RPF1: variants seen among roughly 807,000 people sequenced by gnomAD.
RPF1 encodes ribosome production factor 1 homolog.
In RPF1, 34 loss-of-function variants were observed where a neutral mutation model predicts 41.9. That is an observed-to-expected ratio of 0.81 (90% CI 0.62 to 1.08). The LOEUF is 1.08. Among genes scored for constraint, RPF1 ranks in the 50% least tolerant of loss-of-function variants. RPF1 has a pLI of 0.00. For synonymous variants in RPF1, 140 were observed against 148.9 expected, an observed-to-expected ratio of 0.94 and a Z score of 0.43; for missense variants, 425 against 435.2, an observed-to-expected ratio of 0.98 and a Z score of 0.21.
chr1:84,486,611 A>AG lies in RPF1; in HGVS notation c.367-3022_367-3021insG, dbSNP rs1428270183. On this transcript the variant is annotated intron_variant, in intron 3 of 8. Transcript: ENST00000370654. ...TCAAAAAAAAAAAAAAAAAAAAAAG[A>AG]ATAGGAAAATGATGTGATCAGACTT... 1.2e-4 allele frequency among the ~76,000 whole-genome samples: 18 copies of AG among 149,280 alleles called. No homozygotes were observed. The East Asian group carries it at 2.4e-3, about 20-fold the overall frequency.
intron 1 of RPF1, among the ~76,000 whole-genome samples, chr1:84,479,801 C>T (rs1681610214): frequency 6.6e-6 from 1 of 152,220 alleles, no homozygotes; most frequent in Admixed American, 6.5e-5. Flanking sequence ...GTGAAAACTA[C>T]GCCCTCCTGG....
chr1:84,492,789 C>G (rs1435737277), intron 5 of RPF1, among the ~76,000 whole-genome samples: 2 of 152,138 alleles, frequency 1.3e-5, no homozygotes, highest in Non-Finnish European at 1.5e-5. Context: ...GCATTCCTGG[C>G]CTTTGGATTC....
Position 84,490,460 on chromosome 1 carries a change from C to A in RPF1, c.604C>A (p.Arg202Ser). The change falls in exon 5 of 9, where the codon CGT (arginine) becomes AGT (serine). Residue 202 changes from arginine to serine, a missense_variant. Transcript: ENST00000370654. ...FTDLIVINED[R>S]KTPNGLILSH... ...AGACCTGATTGTTATTAATGAAGATCGTAAAACCCCAAGTATCCTTTTTTT... is the reference window on the plus strand; with the variant it reads ...AGACCTGATTGTTATTAATGAAGATAGTAAAACCCCAAGTATCCTTTTTTT... The A allele has an allele frequency of 6.3e-7, 1 of 1,585,584 alleles. No individual in the cohort carries two copies. The highest frequency in any genetic ancestry group is 1.4e-5 in the African/African-American group (1 of 70,784).
chr1:84,490,720 A>G (rs1051538733), intron 5 of RPF1, among the ~76,000 whole-genome samples: 1 of 152,224 alleles, frequency 6.6e-6, no homozygotes, highest in Non-Finnish European at 1.5e-5. Context: ...AAAACAAGAG[A>G]CAACCAGGAA....
intron 5 of RPF1, among the ~76,000 whole-genome samples, chr1:84,492,132 G>T (rs1681844028): frequency 6.6e-6 from 1 of 150,390 alleles, no homozygotes; most frequent in South Asian, 2.1e-4. Flanking sequence ...CTGCACTCCA[G>T]CCTGGGTGAC....
chr1:84,490,778 G>A (rs1681820046), intron 5 of RPF1, among the ~76,000 whole-genome samples: 1 of 152,134 alleles, frequency 6.6e-6, no homozygotes, highest in Non-Finnish European at 1.5e-5. Context: ...AATATAGTGT[G>A]GATGGTACAA....
At chr1:84,496,447 G>A in intron 8 of RPF1, 77 bp downstream of exon 8, 1 of 1,282,604 alleles carries the variant, frequency 7.8e-7, no homozygotes, top group Non-Finnish European at 1.1e-6. Context: ...GAGAGCATCA[G>A]GAATAGCTAA....
Position 84,496,279 on chromosome 1 carries a change from AG to A in RPF1, c.919del (p.Glu307AsnfsTer8). 1 of 1,613,478 alleles carries A rather than the reference AG, an allele frequency of 6.2e-7. No individual in the cohort carries two copies. The highest frequency in any genetic ancestry group is 1.1e-5 in the South Asian group (1 of 91,016). On this transcript the variant is annotated frameshift_variant, in exon 8 of 9. Transcript: ENST00000370654. LOFTEE classifies it high-confidence loss of function. The part of the protein sequence containing the change: ...IFRSEKKVGI[Q>X]ELGPRFTLKL... Reference sequence around the variant, plus strand: ...AGGAGTGAAAAGAAAGTGGGAATTCAGGAACTTGGACCACGTTTTACCTTAA... The same window carrying A: ...AGGAGTGAAAAGAAAGTGGGAATTCAGAACTTGGACCACGTTTTACCTTAA...
At chr1:84,489,846 T>A (rs1447081513) in intron 4 of RPF1, 118 bp downstream of exon 4, 9 of 627,182 alleles carry the variant, frequency 1.4e-5, no homozygotes, top group Non-Finnish European at 2.3e-5. Context: ...TGCCTGTGAC[T>A]AAGTAAATAA....
At chr1:84,480,549 A>C (rs547297740) in intron 1 of RPF1, among the ~76,000 whole-genome samples, 7 of 152,310 alleles carry the variant, frequency 4.6e-5, no homozygotes, top group African/African-American at 1.7e-4. Flanking sequence ...CTCAGCTCCC[A>C]TTCCTATTTT....
intron 3 of RPF1, among the ~76,000 whole-genome samples, chr1:84,487,530 T>C (rs544581531): frequency 6.6e-6 from 1 of 152,288 alleles, no homozygotes; most frequent in South Asian, 2.1e-4. Context: ...AAAGAAATCT[T>C]CCAATTCATG....
chr1:84,493,080 AAAG>A (rs1681862936), intron 5 of RPF1, among the ~76,000 whole-genome samples: 1 of 152,186 alleles, frequency 6.6e-6, no homozygotes, highest in Non-Finnish European at 1.5e-5. Context: ...GTACATGGGA[AAAG>A]AAGTTATTTA....
At chr1:84,482,077 T>G (rs1168821317) in intron 2 of RPF1, among the ~76,000 whole-genome samples, 4 of 152,244 alleles carry the variant, frequency 2.6e-5, no homozygotes, top group African/African-American at 9.6e-5. Context: ...TTCTTGTTTT[T>G]TGAGATGAAA....
At chr1:84,490,837 A>T (rs887150960) in intron 5 of RPF1, among the ~76,000 whole-genome samples, 1 of 152,206 alleles carries the variant, frequency 6.6e-6, no homozygotes, top group Non-Finnish European at 1.5e-5. Flanking sequence ...ACTGGTACAA[A>T]GTCTGCCCTG....
chr1:84,493,555 A>C (rs1681873948), intron 5 of RPF1, among the ~76,000 whole-genome samples: 1 of 151,378 alleles, frequency 6.6e-6, no homozygotes, highest in Admixed American at 6.6e-5. Flanking sequence ...GTGCCATTGC[A>C]CTTCAGCCTG....
intron 5 of RPF1, 106 bp downstream of exon 5, chr1:84,490,578 T>C: frequency 1.2e-6 from 1 of 814,524 alleles, no homozygotes; most frequent in Non-Finnish European, 1.8e-6. Flanking sequence ...CAGAAAATAA[T>C]TTTTTTATCA....
In RPF1 at chr1:84,490,356, T is replaced by C. The variant is rs779597001; in HGVS notation, c.500T>C (p.Ile167Thr). Residue 167 changes from isoleucine (I) to threonine (T), a missense_variant, in exon 5 of 9, where the codon ATA (isoleucine) becomes ACA (threonine). Physicochemically the swap from Ile to Thr is moderately conservative, Grantham distance 89 (BLOSUM62 -1). Transcript: ENST00000370654. ...VRLCEQLSTV[I>T]PNSHVYYRRG... Reference sequence around the variant, plus strand: ...CTCTGTGAACAGCTCTCCACAGTTATACCAAACTCACATGTTTATTACAGA... The same window carrying C: ...CTCTGTGAACAGCTCTCCACAGTTACACCAAACTCACATGTTTATTACAGA... The C allele has an allele frequency of 8.7e-6, 14 of 1,609,134 alleles. No individual in the cohort carries two copies. Among genetic ancestry groups the C allele is most frequent in the Admixed American group, 5.1e-5 (3 of 59,042 alleles).
At chr1:84,483,919 G>T (rs1159559884) in intron 3 of RPF1, among the ~76,000 whole-genome samples, 2 of 152,106 alleles carry the variant, frequency 1.3e-5, no homozygotes, top group Non-Finnish European at 2.9e-5. Flanking sequence ...ATCGTATTGG[G>T]ATCTGTTTTA....
At position 84,497,489 on chromosome 1, in the gene RPF1, T is replaced by A. The variant is rs371334352; in HGVS notation, c.*19T>A. ...TTTATAAAGTACTGAGAGAATGATATTGGATTTTGCTGAACAGGCCTATCT... is the reference window on the plus strand; with the variant it reads ...TTTATAAAGTACTGAGAGAATGATAATGGATTTTGCTGAACAGGCCTATCT... On this transcript the variant is annotated 3_prime_UTR_variant, in exon 9 of 9. Coordinates refer to ENST00000370654, the MANE Select transcript of RPF1 (RefSeq NM_025065.7). 5 of 1,590,062 alleles carry A rather than the reference T, an allele frequency of 3.1e-6. No homozygotes were observed. The South Asian group carries it at 5.6e-5, about 18-fold the overall frequency.
Sources: allele counts gnomAD v4.1 joint callset (sites outside exome capture counted in the v4.1 genomes callset), GRCh38; gene constraint gnomAD v4.1.1; transcripts MANE v1.5; gene names NCBI Gene and HGNC (gene_info 2026-07-23, HGNC 2026-07-21).